Variants in DPPA4 observed in about 807,000 individuals in gnomAD.
The protein encoded by DPPA4 is developmental pluripotency-associated protein 4.
Under a neutral mutation model 33.7 loss-of-function variants are expected in DPPA4, and 22 were observed. The ratio of observed to expected loss-of-function variants is 0.65; its 90% CI spans 0.47 to 0.93. The LOEUF (loss-of-function observed/expected upper bound fraction) is 0.93, where lower values mean the gene tolerates loss of function less well. Ranked by LOEUF, DPPA4 falls within the 40% of genes least tolerant of loss-of-function variation. The pLI is 0.00. For synonymous variants in DPPA4, 156 were observed against 132.3 expected, an observed-to-expected ratio of 1.18 and a Z score of -1.23; for missense variants, 340 against 358.6, an observed-to-expected ratio of 0.95 and a Z score of 0.42.
Position 109,328,875 on chromosome 3 carries a change from GCAT to G in DPPA4, c.878+12_878+14del. 1 of 1,602,750 alleles carries G rather than the reference GCAT, an allele frequency of 6.2e-7. No homozygotes were observed. The highest frequency in any genetic ancestry group is 8.5e-7 in the Non-Finnish European group (1 of 1,172,284). On this transcript the variant is annotated intron_variant, in intron 6 of 6. Transcript: ENST00000335658. ...GCACCCACTTTTAGTTTGTAGAAAA[GCAT>G]CAGGTAATTACCTGTGAACACATTT...
Position 109,327,819 on chromosome 3 carries a change from G to GC in DPPA4, c.*168dup, listed in dbSNP as rs1707970600. On this transcript the variant is annotated 3_prime_UTR_variant, in exon 7 of 7. Transcript: ENST00000335658. Reference sequence around the variant, plus strand: ...AAGAGTCTCTATCTCCACTCACAAAGCAACAGGCACTGCTAGGGGTCTTAG... The same window carrying GC: ...AAGAGTCTCTATCTCCACTCACAAAGCCAACAGGCACTGCTAGGGGTCTTAG... 1.3e-5 allele frequency: 7 copies of GC among 530,692 alleles called. No individual in the cohort carries two copies. Among genetic ancestry groups the GC allele is most frequent in the Non-Finnish European group, 1.0e-5 (3 of 297,316 alleles). 32.9% of individuals were successfully genotyped at this position (530,692 alleles called of 1,614,324 possible).
chr3:109,338,482 G>A (rs1708254894), upstream of DPPA4, among the ~76,000 whole-genome samples: 1 of 152,206 alleles, frequency 6.6e-6, no homozygotes, highest in Non-Finnish European at 1.5e-5. Context: ...GTGGCTGTGC[G>A]ACTGAAACCC....
upstream of DPPA4, among the ~76,000 whole-genome samples, chr3:109,339,130 G>A (rs1266483218): frequency 6.6e-6 from 1 of 152,062 alleles, no homozygotes; most frequent in Non-Finnish European, 1.5e-5. Context: ...GGCAGAGGTT[G>A]CAGTGAGTCA....
chr3:109,328,055 A>T, intron 6 of DPPA4, 31 bp from the exon 7 acceptor site: 1 of 1,370,316 alleles, frequency 7.3e-7, no homozygotes, highest in Non-Finnish European at 1.0e-6. Context: ...TTGTTTTTAA[A>T]AAGAATGAAG....
chr3:109,333,211 C>T (rs1380133023), intron 2 of DPPA4, among the ~76,000 whole-genome samples: 1 of 151,864 alleles, frequency 6.6e-6, no homozygotes, highest in Admixed American at 6.6e-5. Context: ...CATGGTGGCA[C>T]ACGCCTGCAA....
intron 1 of DPPA4, chr3:109,336,460 C>T (rs1022987347): frequency 1.3e-5 from 2 of 152,166 alleles, no homozygotes; most frequent in African/African-American, 4.8e-5. Flanking sequence ...TTTCTGTCTG[C>T]ATTGTTCCCA....
chr3:109,330,934 T>C (rs1708057810), intron 4 of DPPA4, 122 bp from the exon 5 acceptor site: 1 of 938,310 alleles, frequency 1.1e-6, no homozygotes, highest in African/African-American at 1.7e-5. Flanking sequence ...AGAGATCTAT[T>C]GTACAAGTTG....
At chr3:109,339,017 A>G (rs1475306162), upstream of DPPA4, among the ~76,000 whole-genome samples, 1 of 151,696 alleles carries the variant, frequency 6.6e-6, no homozygotes, top group East Asian at 2.0e-4. Flanking sequence ...ACAATGGCAG[A>G]ACCCCTTCTC....
At chr3:109,330,150 CATT>C in intron 5 of DPPA4, 1 of 269,458 alleles carries the variant, frequency 3.7e-6, no homozygotes, top group South Asian at 3.5e-5. Flanking sequence ...AAAAAGACAA[CATT>C]AGCCGGGCAT....
intron 4 of DPPA4, 44 bp downstream of exon 4, chr3:109,331,690 G>A: frequency 6.3e-7 from 1 of 1,590,154 alleles, no homozygotes. Context: ...GCTACAATAG[G>A]TAATTAGGAT....
upstream of DPPA4, among the ~76,000 whole-genome samples, chr3:109,338,297 G>T (rs1194127307): frequency 1.3e-5 from 2 of 152,128 alleles, no homozygotes; most frequent in Non-Finnish European, 2.9e-5. Context: ...TTTTATATAT[G>T]ACTAAAGTTG....
In DPPA4 at chr3:109,326,472, A is replaced by T. The variant is rs867281915; in HGVS notation, c.*1516T>A. 17 of 152,204 alleles carry T rather than the reference A, an allele frequency of 1.1e-4. No individual in the cohort carries two copies. The highest frequency in any genetic ancestry group is 4.1e-4 in the African/African-American group (17 of 41,442). 9.4% of individuals were successfully genotyped at this position (152,204 alleles called of 1,614,324 possible). ...CAACAAACTTTCCTCCCTTGCTTTAACATTTTTGAGGATTCTTTCCCAAAC... is the reference window on the plus strand; with the variant it reads ...CAACAAACTTTCCTCCCTTGCTTTATCATTTTTGAGGATTCTTTCCCAAAC... On this transcript the variant is annotated 3_prime_UTR_variant, in exon 7 of 7. Transcript: ENST00000335658.
Position 109,330,823 on chromosome 3 carries a change from G to C in DPPA4, c.391-11C>G, listed in dbSNP as rs773759948. 6 of 1,580,072 alleles carry C rather than the reference G, an allele frequency of 3.8e-6. No individual in the cohort carries two copies. The African/African-American group carries it at 8.2e-5, about 22-fold the overall frequency. ...TGTGCTAGGAAAATCCTACAAAAAG[G>C]GTTAAATAATAAAGATAAAAATACA... is the stretch of plus-strand genomic sequence containing the variant. On this transcript the variant is annotated splice_polypyrimidine_tract_variant and intron_variant, in intron 4 of 6. Coordinates refer to ENST00000335658, the MANE Select transcript of DPPA4 (RefSeq NM_018189.4).
At chr3:109,328,058 G>A in intron 6 of DPPA4, 34 bp from the exon 7 acceptor site, 1 of 1,355,884 alleles carries the variant, frequency 7.4e-7, no homozygotes, top group Non-Finnish European at 1.0e-6. Flanking sequence ...TTTTTAAAAA[G>A]AATGAAGAAA....
intron 2 of DPPA4, 123 bp downstream of exon 2, chr3:109,333,747 A>G (rs1708133757): frequency 8.4e-7 from 1 of 1,194,710 alleles, no homozygotes; most frequent in Non-Finnish European, 1.2e-6. Context: ...CTTGGCTTCC[A>G]TGAAGTGCAG....
In DPPA4 at chr3:109,327,314, C is replaced by T. The variant is rs1707958352; in HGVS notation, c.*674G>A. The T allele has an allele frequency of 6.6e-6, 1 of 152,138 alleles. No individual in the cohort carries two copies. The highest frequency in any genetic ancestry group is 1.5e-5 in the Non-Finnish European group (1 of 68,046). 9.4% of individuals were successfully genotyped at this position (152,138 alleles called of 1,614,324 possible). A position where few individuals can be genotyped will look rare whatever the true frequency, so the allele number is the denominator to read the frequency against. On this transcript the variant is annotated 3_prime_UTR_variant, in exon 7 of 7. Transcript: ENST00000335658. Reference sequence around the variant, plus strand: ...GTGTTCAGAGGAAGAGAAAATTGAGCACAAGAGCCAACTACCATTTTACTC... The same window carrying T: ...GTGTTCAGAGGAAGAGAAAATTGAGTACAAGAGCCAACTACCATTTTACTC...
chr3:109,329,766 A>G (rs1344224856), intron 5 of DPPA4: 9 of 152,592 alleles, frequency 5.9e-5, no homozygotes, highest in Non-Finnish European at 8.8e-5. Context: ...CATATAAGGT[A>G]GGTATTACCC....
At chr3:109,328,490 G>A (rs1410952914) in intron 6 of DPPA4, among the ~76,000 whole-genome samples, 2 of 152,058 alleles carry the variant, frequency 1.3e-5, no homozygotes, top group East Asian at 3.9e-4. Context: ...CCATCTAGTC[G>A]ATTCTTCCCT....
In DPPA4 at chr3:109,330,626, C is replaced by T. The variant is rs375086646; in HGVS notation, c.577G>A (p.Val193Met). Reference sequence around the variant, plus strand: ...GCCTCTGGGGCAGAAGTTGTCACCACAACTGTATTAACTCCCTCAAGGAGA... The same window carrying T: ...GCCTCTGGGGCAGAAGTTGTCACCATAACTGTATTAACTCCCTCAAGGAGA... ...TALLEGVNTV[V>M]VTTSAPEALL... The change falls in exon 5 of 7, where the codon GTG becomes ATG. Residue 193 changes from valine to methionine, a missense_variant. Val to Met is a conservative substitution (Grantham distance 21). Around this residue, in one of 3 missense-constraint regions of DPPA4, gnomAD observed 212 missense variants for 206.5 expected, o/e 1.03. Coordinates refer to ENST00000335658, the MANE Select transcript of DPPA4 (RefSeq NM_018189.4). The T allele has an allele frequency of 5.0e-6, 8 of 1,614,054 alleles. No individual in the cohort carries two copies. The highest frequency in any genetic ancestry group is 3.3e-5 in the Admixed American group (2 of 59,992).
Sources: allele counts gnomAD v4.1 joint callset (sites outside exome capture counted in the v4.1 genomes callset), GRCh38; gene constraint gnomAD v4.1.1; regional missense constraint gnomAD v4.1.1; transcripts MANE v1.5; gene names NCBI Gene and HGNC (gene_info 2026-07-23, HGNC 2026-07-21).